TAS2R1: variants seen among roughly 807,000 people sequenced by gnomAD.
The protein encoded by TAS2R1 is taste 2 receptor member 1, also known as taste receptor type 2 member 1.
For synonymous variants in TAS2R1, 141 were observed against 134.2 expected (o/e 1.05, Z -0.35); for missense variants, 370 against 353.4 (o/e 1.05, Z -0.38).
intron 1 of TAS2R1, among the ~76,000 whole-genome samples, chr5:9,702,691 G>C (rs1166010524): frequency 6.6e-6 from 1 of 152,102 alleles, no homozygotes; most frequent in African/African-American, 2.4e-5. Context: ...TGAAACAATG[G>C]GCCTGAATGA....
chr5:9,755,338 A>C, the TAS2R1 span, among the ~76,000 whole-genome samples: 88 of 152,348 alleles, frequency 5.8e-4, no homozygotes, highest in African/African-American at 1.9e-3. Context: ...CTGTAATCCC[A>C]GCACTTTGGG....
intron 1 of TAS2R1, among the ~76,000 whole-genome samples, chr5:9,668,471 G>T (rs1740684057): frequency 6.6e-6 from 1 of 152,000 alleles, no homozygotes; most frequent in Admixed American, 6.6e-5. Flanking sequence ...GATCCTCCAA[G>T]ATCAAAATGA....
At chr5:9,644,931 A>G (rs1207539227) in intron 2 of TAS2R1, among the ~76,000 whole-genome samples, 1 of 152,084 alleles carries the variant, frequency 6.6e-6, no homozygotes, top group Non-Finnish European at 1.5e-5. Flanking sequence ...TGTTTCATTT[A>G]GAATTTTTCC....
chr5:9,751,770 G>A, the TAS2R1 span, among the ~76,000 whole-genome samples: 1 of 152,122 alleles, frequency 6.6e-6, no homozygotes, highest in Admixed American at 6.6e-5. Context: ...CTTCTCCAAA[G>A]AACAAACTTT....
At chr5:9,821,410 C>T in the TAS2R1 span, among the ~76,000 whole-genome samples, 5 of 152,180 alleles carry the variant, frequency 3.3e-5, no homozygotes, top group Admixed American at 3.3e-4. Flanking sequence ...CTGGAAAGGT[C>T]ATTGGAGGGA....
intron 1 of TAS2R1, among the ~76,000 whole-genome samples, chr5:9,694,228 G>A (rs913010355): frequency 1.5e-4 from 23 of 151,890 alleles, no homozygotes; most frequent in African/African-American, 4.6e-4. Context: ...GAAAGCAGAC[G>A]ACAAATTGTA....
the TAS2R1 span, among the ~76,000 whole-genome samples, chr5:9,858,192 G>C: frequency 6.6e-6 from 1 of 152,086 alleles, no homozygotes; most frequent in East Asian, 1.9e-4. Context: ...TGAAGACTGA[G>C]TCTGCCAGGC....
the TAS2R1 span, among the ~76,000 whole-genome samples, chr5:9,840,894 G>T: frequency 1.4e-5 from 1 of 73,696 alleles, no homozygotes; most frequent in East Asian, 4.0e-4. Context: ...TTTTTTTTTT[G>T]AGATGGAGTC....
the TAS2R1 span, among the ~76,000 whole-genome samples, chr5:9,878,146 AAC>A: frequency 2.0e-5 from 3 of 152,184 alleles, no homozygotes; most frequent in South Asian, 4.1e-4. Context: ...TCAGAAAACA[AAC>A]ACAGTCACCT....
At chr5:9,714,090 CT>C (rs1734758618), upstream of TAS2R1, 1 of 152,182 alleles carries the variant, frequency 6.6e-6, no homozygotes, top group East Asian at 1.9e-4. Context: ...CAAATGCCTC[CT>C]ACAGTATCTT....
At chr5:9,819,080 C>T in the TAS2R1 span, among the ~76,000 whole-genome samples, 1 of 152,160 alleles carries the variant, frequency 6.6e-6, no homozygotes, top group Non-Finnish European at 1.5e-5. Flanking sequence ...CCTCTCCCTC[C>T]CTGCCCTCCT....
chr5:9,753,087 T>C, the TAS2R1 span, among the ~76,000 whole-genome samples: 4 of 152,208 alleles, frequency 2.6e-5, no homozygotes, highest in African/African-American at 9.6e-5. Flanking sequence ...CTGGGTCAAA[T>C]GGTATTTCTA....
the TAS2R1 span, among the ~76,000 whole-genome samples, chr5:9,743,051 G>T: frequency 6.7e-6 from 1 of 148,234 alleles, no homozygotes; most frequent in Non-Finnish European, 1.5e-5. Context: ...GCTGATTCAT[G>T]GAAAGCAATA....
the TAS2R1 span, among the ~76,000 whole-genome samples, chr5:9,816,597 C>G: frequency 6.6e-6 from 1 of 151,600 alleles, no homozygotes; most frequent in African/African-American, 2.4e-5. Context: ...ATGCTTATCA[C>G]AAATAGTCAG....
intron 1 of TAS2R1, among the ~76,000 whole-genome samples, chr5:9,678,099 C>T (rs552356493): frequency 6.6e-6 from 1 of 151,934 alleles, no homozygotes; most frequent in South Asian, 2.1e-4. Flanking sequence ...AGACAAACAA[C>T]CCCATTAAAA....
Position 9,627,960 on chromosome 5 carries a change from C to G in TAS2R1, c.*1173G>C, listed in dbSNP as rs982681506. On this transcript the variant is annotated 3_prime_UTR_variant, in exon 1 of 1. Transcript: ENST00000382492. ...GGTTAGAAAAGCTGTATTTGGGTTCCTATTACTGGTGATTGAAAAATCTAA... is the reference window on the plus strand; with the variant it reads ...GGTTAGAAAAGCTGTATTTGGGTTCGTATTACTGGTGATTGAAAAATCTAA... Among the ~76,000 whole-genome samples, 4 of 152,122 alleles carry G rather than the reference C, an allele frequency of 2.6e-5. No homozygotes were observed. Among genetic ancestry groups the G allele is most frequent in the African/African-American group, 9.7e-5 (4 of 41,422 alleles).
the TAS2R1 span, among the ~76,000 whole-genome samples, chr5:9,765,130 G>T: frequency 6.6e-6 from 1 of 152,110 alleles, no homozygotes; most frequent in Non-Finnish European, 1.5e-5. Context: ...AGTAGTGGTT[G>T]TCTCTAGGAG....
chr5:9,875,245 G>A, the TAS2R1 span, among the ~76,000 whole-genome samples: 5 of 152,146 alleles, frequency 3.3e-5, no homozygotes, highest in Non-Finnish European at 7.3e-5. Context: ...ACAGGGGAGT[G>A]GTCGGGAATG....
At chr5:9,865,575 C>T in the TAS2R1 span, among the ~76,000 whole-genome samples, 1 of 152,208 alleles carries the variant, frequency 6.6e-6, no homozygotes, top group Admixed American at 6.5e-5. Flanking sequence ...TTCTTTAACA[C>T]AAATGGGCTC....
Sources: gnomAD v4.1 joint callset for allele counts (sites outside exome capture counted in the v4.1 genomes callset) on GRCh38, gnomAD v4.1.1 for gene constraint, MANE v1.5 for transcripts, NCBI Gene and HGNC (gene_info 2026-07-23, HGNC 2026-07-21) for gene names.